DIAPH2: variants seen among roughly 807,000 people sequenced by gnomAD.
DIAPH2 encodes the protein diaphanous related formin 2, also known as protein diaphanous homolog 2.
In DIAPH2, 35 loss-of-function variants were observed where a neutral mutation model predicts 92.7. That is an observed-to-expected ratio of 0.38 (90% CI 0.29 to 0.50). DIAPH2 has a LOEUF of 0.50. Ranked by LOEUF, DIAPH2 falls within the 20% of genes least tolerant of loss-of-function variation. The pLI is 0.94. For missense variants in DIAPH2, 701 were observed against 819.5 expected, an observed-to-expected ratio of 0.86 and a Z score of 1.77; for synonymous variants, 301 against 280.4, an observed-to-expected ratio of 1.07 and a Z score of -0.73.
At chrX:96,925,072 T>A (rs2065571290) in intron 9 of DIAPH2, among the ~76,000 whole-genome samples, 1 of 111,028 alleles carries the variant, frequency 9.0e-6, no homozygotes, top group Admixed American at 9.6e-5. Flanking sequence ...GCTTTTCTCA[T>A]ATTGATGATC....
intron 4 of DIAPH2, among the ~76,000 whole-genome samples, chrX:96,801,971 T>C (rs1483568839): frequency 8.9e-6 from 1 of 111,928 alleles, no homozygotes; most frequent in Non-Finnish European, 1.9e-5. Context: ...AATGCACACA[T>C]ATAACCAATA....
chrX:97,236,545 ATTTTTTTTTT>A (rs200824073), intron 22 of DIAPH2, among the ~76,000 whole-genome samples: 1 of 87,527 alleles, frequency 1.1e-5, no homozygotes, highest in Admixed American at 1.3e-4. Context: ...TTTCATTTTC[ATTTTTTTTTT>A]TTTTTTTGAG....
intron 26 of DIAPH2, among the ~76,000 whole-genome samples, chrX:97,435,870 C>T (rs374955399): frequency 4.9e-4 from 50 of 102,126 alleles, no homozygotes; most frequent in African/African-American, 1.7e-3. Flanking sequence ...TGCGGTGGCG[C>T]GATCTTGGCT....
At chrX:97,541,864 A>G (rs1266910461) in intron 26 of DIAPH2, among the ~76,000 whole-genome samples, 1 of 112,695 alleles carries the variant, frequency 8.9e-6, no homozygotes, top group African/African-American at 3.2e-5. Context: ...TCCTTCTATA[A>G]TTCTAAAGAA....
chrX:96,772,699 T>C (rs2064346997), intron 4 of DIAPH2, among the ~76,000 whole-genome samples: 1 of 111,999 alleles, frequency 8.9e-6, no homozygotes, highest in Admixed American at 9.5e-5. Context: ...TAATTACCTA[T>C]TAAAACAATA....
At chrX:96,881,365 G>T (rs1179722649) in intron 4 of DIAPH2, among the ~76,000 whole-genome samples, 1 of 110,869 alleles carries the variant, frequency 9.0e-6, no homozygotes, top group African/African-American at 3.3e-5. Context: ...CAGGTCATGA[G>T]CACCAGCACT....
intron 22 of DIAPH2, among the ~76,000 whole-genome samples, chrX:97,161,688 T>C (rs922984113): frequency 8.9e-6 from 1 of 111,867 alleles, no homozygotes; most frequent in Admixed American, 9.5e-5. Flanking sequence ...AGGAGAGTGA[T>C]TTAATGAAAG....
chrX:97,170,256 A>C (rs961408775), intron 22 of DIAPH2, among the ~76,000 whole-genome samples: 5 of 108,783 alleles, frequency 4.6e-5, no homozygotes, highest in Non-Finnish European at 7.8e-5. Flanking sequence ...AGATTACCAA[A>C]GGATTGATTA....
chrX:97,359,333 T>A (rs1457130900), intron 24 of DIAPH2, among the ~76,000 whole-genome samples: 3 of 111,090 alleles, frequency 2.7e-5, no homozygotes, highest in Non-Finnish European at 3.8e-5. Context: ...TCTTTTTTAA[T>A]CATTGCAAAT....
chrX:97,176,993 G>C (rs1276286813), intron 22 of DIAPH2, among the ~76,000 whole-genome samples: 1 of 111,662 alleles, frequency 9.0e-6, no homozygotes, highest in Admixed American at 9.5e-5. Context: ...ACTATGTAAA[G>C]AGTTGTTGTA....
chrX:97,066,463 G>A (rs1339752886), intron 17 of DIAPH2, among the ~76,000 whole-genome samples: 7 of 111,628 alleles, frequency 6.3e-5, no homozygotes, highest in South Asian at 3.7e-4. Context: ...TATAATGTTC[G>A]CATAATGACA....
At chrX:96,940,021 A>G (rs1423070098) in intron 12 of DIAPH2, among the ~76,000 whole-genome samples, 1 of 109,467 alleles carries the variant, frequency 9.1e-6, no homozygotes, top group Non-Finnish European at 1.9e-5. Context: ...AGACAGATGC[A>G]CTTGTAAAAA....
At position 96,913,765 on chromosome X, in the gene DIAPH2, A is replaced by G. The variant is rs183247101; in HGVS notation, c.732+1213A>G. ...TGAAAAATTGCAGGGCTTTTTATGT[A>G]TATGTATAATACTAGTTGTATTATA... is the stretch of plus-strand genomic sequence containing the variant. On this transcript the variant is annotated intron_variant, in intron 7 of 26. Coordinates refer to ENST00000324765, the MANE Select transcript of DIAPH2 (RefSeq NM_006729.5). 8.6e-4 allele frequency among the ~76,000 whole-genome samples: 95 copies of G among 110,911 alleles called. 1 individual carries two copies. Among genetic ancestry groups the G allele is most frequent in the African/African-American group, 2.9e-3 (90 of 30,760 alleles).
At chrX:97,192,345 TAGA>T (rs2067662215) in intron 22 of DIAPH2, among the ~76,000 whole-genome samples, 1 of 105,707 alleles carries the variant, frequency 9.5e-6, no homozygotes, top group Admixed American at 1.0e-4. Flanking sequence ...TTTTCAAAAG[TAGA>T]AGTTCTCTTT....
chrX:97,320,714 C>CAAAAAAAAAAAAAAAAAAAAAAAAAA (rs146316009), intron 23 of DIAPH2, among the ~76,000 whole-genome samples: 1 of 40,162 alleles, frequency 2.5e-5, no homozygotes, highest in African/African-American at 8.0e-5. Flanking sequence ...GACTCCGTCT[C>CAAAAAAAAAAAAAAAAAAAAAAAAAA]AAAAAAAAAA....
intron 26 of DIAPH2, among the ~76,000 whole-genome samples, chrX:97,557,861 C>T (rs1470960956): frequency 8.9e-6 from 1 of 111,861 alleles, no homozygotes. Flanking sequence ...TTATAATTGG[C>T]ATATCAACTG....
At chrX:97,285,383 CAA>C (rs11336007) in intron 23 of DIAPH2, among the ~76,000 whole-genome samples, 7 of 38,114 alleles carry the variant, frequency 1.8e-4, no homozygotes, top group African/African-American at 4.5e-4. Context: ...ACTAAAAATA[CAA>C]AAAAAAAAAA....
At chrX:97,058,595 C>G (rs1263469807) in intron 17 of DIAPH2, among the ~76,000 whole-genome samples, 1 of 109,380 alleles carries the variant, frequency 9.1e-6, no homozygotes, top group Non-Finnish European at 1.9e-5. Flanking sequence ...TTTCTCATAC[C>G]TTTTTATTGT....
chrX:97,029,748 A>G (rs1450090470), intron 17 of DIAPH2, among the ~76,000 whole-genome samples: 6 of 111,271 alleles, frequency 5.4e-5, no homozygotes, highest in Non-Finnish European at 1.1e-4. Flanking sequence ...TCCAAAATTC[A>G]TTGACTGTAA....
Sources: gnomAD v4.1 joint callset for allele counts (sites outside exome capture counted in the v4.1 genomes callset) on GRCh38, gnomAD v4.1.1 for gene constraint, MANE v1.5 for transcripts, NCBI Gene and HGNC (gene_info 2026-07-23, HGNC 2026-07-21) for gene names.